PDGFD: variants seen among roughly 807,000 people sequenced by gnomAD.
PDGFD encodes the protein platelet derived growth factor D.
PDGFD carries 30 observed loss-of-function variants against 44.7 expected under a neutral mutation model. That is an observed-to-expected ratio of 0.67 (90% CI 0.50 to 0.91). The LOEUF (loss-of-function observed/expected upper bound fraction) is 0.91. Among genes scored for constraint, PDGFD ranks in the 40% least tolerant of loss-of-function variants. PDGFD has a pLI of 0.00. For missense variants in PDGFD, 445 were observed against 457.8 expected, an observed-to-expected ratio of 0.97 and a Z score of 0.25; for synonymous variants, 173 against 168.4, an observed-to-expected ratio of 1.03 and a Z score of -0.21.
At chr11:104,054,875 C>A (rs1855729033) in intron 1 of PDGFD, among the ~76,000 whole-genome samples, 2 of 152,248 alleles carry the variant, frequency 1.3e-5, no homozygotes, top group South Asian at 4.1e-4. Flanking sequence ...GAGATACAAA[C>A]CAAGCACAGG....
At chr11:104,077,842 C>T (rs534231446) in intron 1 of PDGFD, among the ~76,000 whole-genome samples, 125 of 152,160 alleles carry the variant, frequency 8.2e-4, no homozygotes, top group African/African-American at 2.6e-3. Flanking sequence ...TCAGATTCTC[C>T]AACAATAGTT....
In PDGFD at chr11:104,037,852, T is replaced by G. The variant is rs1013306084; in HGVS notation, c.125-37597A>C. Reference sequence around the variant, plus strand: ...CCGGAGACATCAATGTTCCATCGATTTGAAGAAAAATGTGCTGGTCATCGG... The same window carrying G: ...CCGGAGACATCAATGTTCCATCGATGTGAAGAAAAATGTGCTGGTCATCGG... On this transcript the variant is annotated intron_variant, in intron 1 of 6. Coordinates refer to ENST00000393158, the MANE Select transcript of PDGFD (RefSeq NM_025208.5). 3.1e-6 allele frequency: 5 copies of G among 1,614,058 alleles called. No homozygotes were observed. The highest frequency in any genetic ancestry group is 1.3e-5 in the African/African-American group (1 of 74,918).
At chr11:104,041,509 T>A (rs998746825) in intron 1 of PDGFD, among the ~76,000 whole-genome samples, 3 of 152,088 alleles carry the variant, frequency 2.0e-5, no homozygotes, top group Admixed American at 6.5e-5. Context: ...AAACAAATTA[T>A]CATTTTCTGT....
intron 1 of PDGFD, among the ~76,000 whole-genome samples, chr11:104,103,063 C>T (rs1004032062): frequency 2.6e-5 from 4 of 151,816 alleles, no homozygotes; most frequent in Non-Finnish European, 5.9e-5. Context: ...ATGTACCCTA[C>T]ACTACAAAGC....
chr11:104,076,708 T>G (rs1434852343), intron 1 of PDGFD, among the ~76,000 whole-genome samples: 1 of 152,164 alleles, frequency 6.6e-6, no homozygotes, highest in Non-Finnish European at 1.5e-5. Context: ...CAATTGACCC[T>G]TGAACAACAT....
chr11:103,964,327 A>T (rs946030193), intron 3 of PDGFD, among the ~76,000 whole-genome samples: 2 of 152,174 alleles, frequency 1.3e-5, no homozygotes, highest in Admixed American at 1.3e-4. Flanking sequence ...AACATGAATG[A>T]GAAACAGACC....
intron 1 of PDGFD, among the ~76,000 whole-genome samples, chr11:104,041,405 G>T (rs1165361984): frequency 6.8e-6 from 1 of 147,200 alleles, no homozygotes; most frequent in Admixed American, 6.6e-5. Flanking sequence ...GTTCATCACT[G>T]ATGCTGCAAC....
chr11:103,978,194 A>G (rs528833106), intron 3 of PDGFD, among the ~76,000 whole-genome samples: 14 of 152,234 alleles, frequency 9.2e-5, no homozygotes, highest in African/African-American at 3.1e-4. Context: ...CTCTTAATTT[A>G]TAATAGGAAC....
In PDGFD at chr11:104,037,588, A is replaced by C; in HGVS notation, c.125-37333T>G. The C allele has an allele frequency of 1.2e-6, 2 of 1,614,020 alleles. No individual in the cohort carries two copies. Among genetic ancestry groups the C allele is most frequent in the Non-Finnish European group, 1.7e-6 (2 of 1,180,004 alleles). Reference sequence around the variant, plus strand: ...CTGCAAAGTGAATGGGCATCCTTTGAAGGCTTTTGTTGACTCGGGCGCCCA... The same window carrying C: ...CTGCAAAGTGAATGGGCATCCTTTGCAGGCTTTTGTTGACTCGGGCGCCCA... On this transcript the variant is annotated intron_variant, in intron 1 of 6. Transcript: ENST00000393158.
chr11:104,026,344 A>G (rs1860041976), intron 1 of PDGFD, among the ~76,000 whole-genome samples: 1 of 152,230 alleles, frequency 6.6e-6, no homozygotes, highest in Admixed American at 6.5e-5. Context: ...CTTAAGATCT[A>G]TTGGTGAGTA....
At chr11:103,922,907 G>A (rs1214880775) in intron 6 of PDGFD, among the ~76,000 whole-genome samples, 1 of 151,986 alleles carries the variant, frequency 6.6e-6, no homozygotes, top group African/African-American at 2.4e-5. Flanking sequence ...AAAGACAAAG[G>A]TAGAACAAAT....
chr11:104,161,950 AGTGT>A (rs3050634), intron 1 of PDGFD, among the ~76,000 whole-genome samples: 2,438 of 148,934 alleles, frequency 0.016, 33 homozygotes, highest in Non-Finnish European at 0.022. Context: ...AATCAAAGAG[AGTGT>A]GTGTGTGTGT....
At chr11:104,034,232 T>C (rs1860180631) in intron 1 of PDGFD, among the ~76,000 whole-genome samples, 1 of 151,930 alleles carries the variant, frequency 6.6e-6, no homozygotes. Flanking sequence ...TGTGTGTGCA[T>C]GTGCTCTAAT....
intron 1 of PDGFD, among the ~76,000 whole-genome samples, chr11:104,104,262 AAGTT>A (rs574186510): frequency 3.3e-5 from 5 of 152,288 alleles, no homozygotes; most frequent in South Asian, 2.1e-4. Flanking sequence ...AGATGACAAA[AAGTT>A]AGCATCAGCT....
chr11:104,122,110 A>T (rs1411537013), intron 1 of PDGFD, among the ~76,000 whole-genome samples: 5 of 151,972 alleles, frequency 3.3e-5, no homozygotes, highest in Non-Finnish European at 7.4e-5. Flanking sequence ...CCAAGAAATT[A>T]TTTTTTTCTA....
chr11:103,997,523 T>C (rs775721234), intron 2 of PDGFD, among the ~76,000 whole-genome samples: 2 of 152,228 alleles, frequency 1.3e-5, no homozygotes, highest in Non-Finnish European at 2.9e-5. Context: ...AGAAGGCTTA[T>C]ATAATTTTAC....
chr11:104,113,298 C>T (rs967957872), intron 1 of PDGFD, among the ~76,000 whole-genome samples: 4 of 152,084 alleles, frequency 2.6e-5, no homozygotes, highest in Non-Finnish European at 4.4e-5. Flanking sequence ...CAAATCGAAG[C>T]TCCTACCTAC....
At chr11:104,073,574 CAT>C (rs1326846654) in intron 1 of PDGFD, among the ~76,000 whole-genome samples, 1 of 152,138 alleles carries the variant, frequency 6.6e-6, no homozygotes, top group East Asian at 1.9e-4. Flanking sequence ...AGTTTGTCCT[CAT>C]ACATTTTCCT....
intron 2 of PDGFD, among the ~76,000 whole-genome samples, chr11:103,999,687 C>T (rs1348713025): frequency 2.0e-5 from 3 of 152,186 alleles, no homozygotes; most frequent in Admixed American, 6.5e-5. Flanking sequence ...TCCCTAAGCC[C>T]ATGGCAGGCT....
Sources: gnomAD v4.1 joint callset for allele counts (sites outside exome capture counted in the v4.1 genomes callset) on GRCh38, gnomAD v4.1.1 for gene constraint, MANE v1.5 for transcripts, NCBI Gene and HGNC (gene_info 2026-07-23, HGNC 2026-07-21) for gene names.